Variants in SCCPDH observed in about 807,000 individuals in gnomAD.
The protein encoded by SCCPDH is saccharopine dehydrogenase (putative), also known as saccharopine dehydrogenase-like oxidoreductase.
SCCPDH carries 34 observed loss-of-function variants against 51.5 expected under a neutral mutation model. The ratio of observed to expected loss-of-function variants is 0.66; its 90% confidence interval spans 0.50 to 0.88. SCCPDH has a LOEUF of 0.88. Among genes scored for constraint, SCCPDH ranks in the 40% least tolerant of loss-of-function variants. The pLI, the probability that SCCPDH is intolerant of heterozygous loss-of-function variation, is 0.00. For synonymous variants in SCCPDH, 187 were observed against 191.3 expected (o/e 0.98, Z 0.19); for missense variants, 464 against 527.1 (o/e 0.88, Z 1.17).
In SCCPDH at chr1:246,741,376, C is replaced by T. The variant is rs761741855; in HGVS notation, c.514+1075C>T. ...AGGATCTTGCTCTGCCGTAGCTCAC[C>T]GTAACGAATGCCTGGGCTCAGGCAG... On this transcript the variant is annotated intron_variant, in intron 4 of 11. Coordinates refer to ENST00000366510, the MANE Select transcript of SCCPDH (RefSeq NM_016002.3). Among the ~76,000 whole-genome samples the T allele has an allele frequency of 5.9e-5, 9 of 151,520 alleles. No individual in the cohort carries two copies. The South Asian group carries it at 8.3e-4, about 14-fold the overall frequency.
At chr1:246,765,937 A>G in intron 10 of SCCPDH, 121 bp from the exon 11 acceptor site, 1 of 663,550 alleles carries the variant, frequency 1.5e-6, no homozygotes, top group South Asian at 1.9e-5. Flanking sequence ...TGACCAGAGT[A>G]TCTATTGAAA....
intron 2 of SCCPDH, among the ~76,000 whole-genome samples, chr1:246,734,039 C>T (rs1322077858): frequency 6.6e-6 from 1 of 152,128 alleles, no homozygotes. Context: ...TTGAAGTACA[C>T]AAGAATCACC....
intron 5 of SCCPDH, among the ~76,000 whole-genome samples, chr1:246,746,107 CAAAA>C (rs756929255): frequency 1.3e-5 from 1 of 79,582 alleles, no homozygotes; most frequent in African/African-American, 7.1e-5. Context: ...GACTCCATCT[CAAAA>C]AAAAAAAAAA....
intron 2 of SCCPDH, among the ~76,000 whole-genome samples, chr1:246,730,057 A>G (rs1212115381): frequency 6.6e-6 from 1 of 152,150 alleles, no homozygotes; most frequent in Non-Finnish European, 1.5e-5. Flanking sequence ...AAGCTGCTTG[A>G]TTCCACATAC....
At chr1:246,734,060 AT>A (rs1193532599) in intron 2 of SCCPDH, among the ~76,000 whole-genome samples, 3 of 152,168 alleles carry the variant, frequency 2.0e-5, no homozygotes, top group African/African-American at 7.2e-5. Context: ...TGTGAGGCTT[AT>A]TTACAATGCA....
chr1:246,748,001 T>G (rs1342791997), intron 5 of SCCPDH, among the ~76,000 whole-genome samples: 3 of 152,218 alleles, frequency 2.0e-5, no homozygotes, highest in African/African-American at 7.2e-5. Context: ...ATTTACAGGC[T>G]GAAACCTTCG....
intron 4 of SCCPDH, among the ~76,000 whole-genome samples, chr1:246,741,077 T>C (rs985303418): frequency 6.6e-6 from 1 of 152,004 alleles, no homozygotes; most frequent in Non-Finnish European, 1.5e-5. Context: ...GAGTGAGACC[T>C]TGTCTCTTAG....
intron 10 of SCCPDH, 98 bp from the exon 11 acceptor site, chr1:246,765,959 AC>A: frequency 1.3e-6 from 1 of 769,718 alleles, no homozygotes; most frequent in Non-Finnish European, 2.2e-6. Context: ...AAATCTGCAC[AC>A]CTAGAGTAAG....
At chr1:246,730,053 C>A (rs1487777074) in intron 2 of SCCPDH, among the ~76,000 whole-genome samples, 1 of 152,142 alleles carries the variant, frequency 6.6e-6, no homozygotes, top group East Asian at 1.9e-4. Flanking sequence ...AAAAAAGCTG[C>A]TTGATTCCAC....
rs35868061 is a variant in SCCPDH, at chr1:246,751,229, C to A, written c.565-6997C>A. 7.6e-3 allele frequency among the ~76,000 whole-genome samples: 1,151 copies of A among 152,284 alleles called. 6 individuals are homozygous for A. Among genetic ancestry groups the A allele is most frequent in the Non-Finnish European group, 0.011 (771 of 68,016 alleles). On this transcript the variant is annotated intron_variant, in intron 5 of 11. Coordinates refer to ENST00000366510, the MANE Select transcript of SCCPDH (RefSeq NM_016002.3). Reference sequence around the variant, plus strand: ...AATGTTAAACTCAATTTTAATAAAACCTTTTAGACATATTTATCCAATTTT... The same window carrying A: ...AATGTTAAACTCAATTTTAATAAAAACTTTTAGACATATTTATCCAATTTT...
At position 246,754,526 on chromosome 1, in the gene SCCPDH, C is replaced by T. The variant is rs900529244; in HGVS notation, c.565-3700C>T. Among the ~76,000 whole-genome samples, 9 of 152,332 alleles carry T rather than the reference C, an allele frequency of 5.9e-5. No homozygotes were observed. In the East Asian group the frequency reaches 1.7e-3, roughly 29 times the overall value. On this transcript the variant is annotated intron_variant, in intron 5 of 11. Transcript: ENST00000366510. The stretch of plus-strand genomic sequence containing the variant: ...GTAGCAGGATAAGCTGCAGACAAAA[C>T]CCCTCAGACACCAAGTTAAAGAAGG...
chr1:246,741,991 C>T (rs1457297183), intron 4 of SCCPDH, among the ~76,000 whole-genome samples: 2 of 152,168 alleles, frequency 1.3e-5, no homozygotes, highest in Non-Finnish European at 2.9e-5. Flanking sequence ...ATCGCTTGAA[C>T]CCCGGAGGCG....
chr1:246,746,040 A>G (rs1226926752), intron 5 of SCCPDH, among the ~76,000 whole-genome samples: 8 of 146,182 alleles, frequency 5.5e-5, no homozygotes, highest in Non-Finnish European at 8.9e-5. Flanking sequence ...CCCGGGAGGC[A>G]GAGTTTGCAG....
chr1:246,727,226 G>C (rs1003756881), intron 2 of SCCPDH, among the ~76,000 whole-genome samples: 1 of 152,124 alleles, frequency 6.6e-6, no homozygotes, highest in Admixed American at 6.5e-5. Flanking sequence ...CATGTGTGCT[G>C]GCTTGTTGAT....
At chr1:246,741,578 G>T (rs374048859) in intron 4 of SCCPDH, among the ~76,000 whole-genome samples, 5 of 152,122 alleles carry the variant, frequency 3.3e-5, no homozygotes, top group African/African-American at 9.6e-5. Context: ...GATTACAGAC[G>T]TGAGCCACCA....
chr1:246,737,592 AC>A (rs1029924237), intron 3 of SCCPDH, among the ~76,000 whole-genome samples: 21 of 149,714 alleles, frequency 1.4e-4, no homozygotes, highest in East Asian at 3.9e-4. Flanking sequence ...GTAGTATCGA[AC>A]CCCCCCCTTT....
Position 246,764,696 on chromosome 1 carries a change from T to C in SCCPDH, c.1102+339T>C, listed in dbSNP as rs188123086. 2.6e-5 allele frequency among the ~76,000 whole-genome samples: 4 copies of C among 152,380 alleles called. No individual in the cohort carries two copies. The East Asian group carries it at 7.7e-4, about 29-fold the overall frequency. ...ATTATAATGTCAGTCAAATCTGTGC[T>C]CTAGGATTTCTTTAGAGTCTCTGAA... On this transcript the variant is annotated intron_variant, in intron 10 of 11. Transcript: ENST00000366510.
chr1:246,760,291 A>C, intron 9 of SCCPDH, 64 bp downstream of exon 9: 2 of 1,330,470 alleles, frequency 1.5e-6, no homozygotes, highest in Non-Finnish European at 2.1e-6. Flanking sequence ...GGTATCATCT[A>C]ACACTTGACA....
At chr1:246,747,159 T>TGTC (rs1668773492) in intron 5 of SCCPDH, among the ~76,000 whole-genome samples, 1 of 152,166 alleles carries the variant, frequency 6.6e-6, no homozygotes, top group African/African-American at 2.4e-5. Context: ...TCTCCCTTTT[T>TGTC]GTCTCTTTCT....
Sources: allele counts gnomAD v4.1 joint callset (sites outside exome capture counted in the v4.1 genomes callset), GRCh38; gene constraint gnomAD v4.1.1; transcripts MANE v1.5; gene names NCBI Gene and HGNC (gene_info 2026-07-23, HGNC 2026-07-21).